Variants in ZNF646 observed in about 807,000 individuals in gnomAD.
The protein encoded by ZNF646 is zinc finger protein 646.
In ZNF646, 49 loss-of-function variants were observed where a neutral mutation model predicts 115.4. That is an observed-to-expected ratio of 0.42 (90% CI 0.34 to 0.54). The LOEUF (loss-of-function observed/expected upper bound fraction) is 0.54. Among genes scored for constraint, ZNF646 ranks in the 20% least tolerant of loss-of-function variants. The pLI is 0.04. For synonymous variants in ZNF646, 933 were observed against 939.0 expected, an observed-to-expected ratio of 0.99 and a Z score of 0.12; for missense variants, 2,269 against 2,457.9, an observed-to-expected ratio of 0.92 and a Z score of 1.62.
Position 31,080,561 on chromosome 16 carries a change from A to C in ZNF646, c.4237A>C (p.Ser1413Arg). ...GGCCAGTGAGGCGAACCTGACTGGC[A>C]GCCAGGGACTAGAGACCCAATTGGG... is the stretch of plus-strand genomic sequence containing the variant. ...TAASEANLTGSQGLETQLGGA... is the reference protein window; with the variant it reads ...TAASEANLTGRQGLETQLGGA... Residue 1413 changes from serine (S) to arginine (R), a missense_variant, in exon 2 of 3, where the codon AGC becomes CGC. Physicochemically the swap from Ser to Arg is moderately radical, Grantham distance 110 (BLOSUM62 -1). Around this residue, in one of 5 missense-constraint regions of ZNF646, gnomAD observed 1,062 missense variants for 1,172.8 expected, o/e 0.91. Coordinates refer to ENST00000300850, the MANE Select transcript of ZNF646 (RefSeq NM_014699.4). 3.1e-6 allele frequency: 5 copies of C among 1,614,088 alleles called. No individual in the cohort carries two copies. Among genetic ancestry groups the C allele is most frequent in the Non-Finnish European group, 4.2e-6 (5 of 1,180,036 alleles).
At chr16:31,082,762 T>C in intron 2 of ZNF646, 6 of 606,100 alleles carry the variant, frequency 9.9e-6, no homozygotes, top group Non-Finnish European at 1.7e-5. Flanking sequence ...GGAATGGCTT[T>C]AAGGATAGAA....
At position 31,079,313 on chromosome 16, in the gene ZNF646, G is replaced by A; in HGVS notation, c.2989G>A (p.Gly997Ser). The A allele has an allele frequency of 6.2e-7, 1 of 1,613,248 alleles. No individual in the cohort carries two copies. Among genetic ancestry groups the A allele is most frequent in the South Asian group, 1.1e-5 (1 of 91,072 alleles). The change falls in exon 2 of 3, where the codon GGT (glycine) becomes AGT (serine). Residue 997 changes from glycine to serine, a missense_variant. By Grantham distance (56) the Gly-to-Ser change is moderately conservative. Transcript: ENST00000300850. This position sits in a 1 kb window ranked among gnomAD's most constrained non-coding sequence, Gnocchi z 5.5. ...DKAPSPLGVA[G>S]DAMEMVVDSV... ...GGCTCCCAGCCCCTTGGGAGTGGCAGGTGATGCCATGGAGATGGTCGTGGA... is the reference window on the plus strand; with the variant it reads ...GGCTCCCAGCCCCTTGGGAGTGGCAAGTGATGCCATGGAGATGGTCGTGGA...
Position 31,080,229 on chromosome 16 carries a change from G to C in ZNF646, c.3905G>C (p.Gly1302Ala). 1.9e-6 allele frequency: 3 copies of C among 1,609,766 alleles called. No individual in the cohort carries two copies. Among genetic ancestry groups the C allele is most frequent in the Non-Finnish European group, 2.5e-6 (3 of 1,178,670 alleles). The change falls in exon 2 of 3, where the codon GGG becomes GCG. Residue 1302 changes from glycine to alanine, a missense_variant. Gly to Ala is a moderately conservative substitution (Grantham distance 60). Transcript: ENST00000300850. ...ATREDRPFRC[G>A]QCGRTYRHAG... ...CGGGAAGATCGGCCCTTCCGCTGTGGGCAGTGCGGGCGGACCTATCGCCAC... is the reference window on the plus strand; with the variant it reads ...CGGGAAGATCGGCCCTTCCGCTGTGCGCAGTGCGGGCGGACCTATCGCCAC...
Position 31,078,510 on chromosome 16 carries a change from G to A in ZNF646, c.2186G>A (p.Cys729Tyr), listed in dbSNP as rs200167014. The change falls in exon 2 of 3, where the codon TGT (cysteine) becomes TAT (tyrosine). Residue 729 changes from cysteine to tyrosine, a missense_variant. Coordinates refer to ENST00000300850, the MANE Select transcript of ZNF646 (RefSeq NM_014699.4). ...GGCAACCTGGAAAGTGATGGGGACTGTTTGCAGGCTGAATCTGAAGGGGAC... is the reference window on the plus strand; with the variant it reads ...GGCAACCTGGAAAGTGATGGGGACTATTTGCAGGCTGAATCTGAAGGGGAC... ...AEGNLESDGD[C>Y]LQAESEGDKC... 6.9e-6 allele frequency: 11 copies of A among 1,594,010 alleles called. No homozygotes were observed. Among genetic ancestry groups the A allele is most frequent in the African/African-American group, 1.3e-5 (1 of 74,628 alleles).
rs776906804 is a variant in ZNF646, at chr16:31,080,330, T to C, written c.4006T>C (p.Ser1336Pro). Residue 1336 changes from serine to proline, a missense_variant, in exon 2 of 3, where the codon TCC becomes CCC. Around this residue, in one of 5 missense-constraint regions of ZNF646, gnomAD observed 1,062 missense variants for 1,172.8 expected, o/e 0.91. Coordinates refer to ENST00000300850, the MANE Select transcript of ZNF646 (RefSeq NM_014699.4). ...CTGCCCCACCTGCCCCAAGACCTAC[T>C]CCAACCGCATGGCCCTGAAGGACCA... is the stretch of plus-strand genomic sequence containing the variant. Reference protein sequence around the residue: ...YSCPTCPKTYSNRMALKDHQR... With the variant: ...YSCPTCPKTYPNRMALKDHQR... 6.2e-7 allele frequency: 1 copy of C among 1,613,452 alleles called. No homozygotes were observed. The highest frequency in any genetic ancestry group is 1.1e-5 in the South Asian group (1 of 91,076).
rs1020497894 is a variant in ZNF646 at position 31,083,697 on chromosome 16, C to T, written c.*605C>T. On this transcript the variant is annotated 3_prime_UTR_variant, in exon 3 of 3. Coordinates refer to ENST00000300850, the MANE Select transcript of ZNF646 (RefSeq NM_014699.4). ...TGGGCTTCTGGGCCTGCCCTGGTGC[C>T]TGGAATCACACATGACAGGGTGGGG... is the stretch of plus-strand genomic sequence containing the variant. 2.8e-5 allele frequency: 45 copies of T among 1,607,332 alleles called. No individual in the cohort carries two copies. In the Admixed American group the frequency reaches 6.6e-4, roughly 24 times the overall value.
In ZNF646 at chr16:31,083,816, G is replaced by T; in HGVS notation, c.*724G>T. ...CAGCAGCTGGTTGGTTGGCCTGTGG[G>T]GAAGGAAGGAGGGTGGAGTTGTCCT... On this transcript the variant is annotated 3_prime_UTR_variant, in exon 3 of 3. Transcript: ENST00000300850. The T allele has an allele frequency of 6.2e-7, 1 of 1,613,974 alleles. No homozygotes were observed.
Position 31,083,820 on chromosome 16 carries a change from G to C in ZNF646, c.*728G>C, listed in dbSNP as rs1417719764. 1.2e-6 allele frequency: 2 copies of C among 1,614,030 alleles called. No individual in the cohort carries two copies. The highest frequency in any genetic ancestry group is 3.3e-5 in the Admixed American group (2 of 60,020). On this transcript the variant is annotated 3_prime_UTR_variant, in exon 3 of 3. Transcript: ENST00000300850. ...AGCTGGTTGGTTGGCCTGTGGGGAAGGAAGGAGGGTGGAGTTGTCCTCATC... is the reference window on the plus strand; with the variant it reads ...AGCTGGTTGGTTGGCCTGTGGGGAACGAAGGAGGGTGGAGTTGTCCTCATC...
In ZNF646 at chr16:31,083,194, TCTC is replaced by T. The variant is rs2057188092; in HGVS notation, c.*106_*108del. ...GAGTAGTTCGGGCATCCCCATATCTTCTCCTCTCCCCTTGTGAAGAGGACCCAG... is the reference window on the plus strand; with the variant it reads ...GAGTAGTTCGGGCATCCCCATATCTTCTCTCCCCTTGTGAAGAGGACCCAG... On this transcript the variant is annotated 3_prime_UTR_variant, in exon 3 of 3. Transcript: ENST00000300850. 1.2e-5 allele frequency: 17 copies of T among 1,477,384 alleles called. No homozygotes were observed. The highest frequency in any genetic ancestry group is 7.4e-5 in the East Asian group (3 of 40,816). The allele number at this position is 1,477,384 out of a possible 1,614,324, so 91.5% of individuals were successfully genotyped here.
chr16:31,078,838 C>T lies in ZNF646; in HGVS notation c.2514C>T (p.Ser838=), dbSNP rs1367388168. The T allele has an allele frequency of 3.7e-6, 6 of 1,613,906 alleles. No individual in the cohort carries two copies. The African/African-American group carries it at 6.7e-5, about 18-fold the overall frequency. ...HSFPHATGLL[S]HRPCHPPGIY... ...TCCCCCATGCCACTGGCCTGCTGAGCCACAGGCCCTGCCACCCACCAGGCA... is the reference window on the plus strand; with the variant it reads ...TCCCCCATGCCACTGGCCTGCTGAGTCACAGGCCCTGCCACCCACCAGGCA... Residue 838 remains serine (S), a synonymous_variant, in exon 2 of 3, where the codon AGC becomes AGT. Coordinates refer to ENST00000300850, the MANE Select transcript of ZNF646 (RefSeq NM_014699.4).
At chr16:31,082,535 G>A (rs1371295214) in intron 2 of ZNF646, 1 of 225,258 alleles carries the variant, frequency 4.4e-6, no homozygotes, top group Non-Finnish European at 9.4e-6. Flanking sequence ...GCATCTCCGT[G>A]GGGAATCGCC....
At chr16:31,073,427 C>G (rs967712120), upstream of ZNF646, 1 of 152,218 alleles carries the variant, frequency 6.6e-6, no homozygotes, top group Non-Finnish European at 1.5e-5. Context: ...AGCAGCCGCG[C>G]GGGCCGAGCC....
At position 31,081,442 on chromosome 16, in the gene ZNF646, C is replaced by T; in HGVS notation, c.5118C>T (p.Cys1706=). The change falls in exon 2 of 3, where the codon TGC becomes TGT. Residue 1706 remains cysteine (C), a synonymous_variant. Transcript: ENST00000300850. ...CCCACACCACAGGGTTGTACCCGTG[C>T]TCCCTCTGTCCCAAACTTCTCCCTA... ...QKAHTTGLYP[C]SLCPKLLPNL... 2 of 1,614,150 alleles carry T rather than the reference C, an allele frequency of 1.2e-6. No homozygotes were observed. The highest frequency in any genetic ancestry group is 1.1e-5 in the South Asian group (1 of 91,088).
chr16:31,079,163 G>A lies in ZNF646; in HGVS notation c.2839G>A (p.Glu947Lys). Reference sequence around the variant, plus strand: ...AGAGCTGCTGAATCAGCTGCAGCGGGAGGTGGAAGCGCTGGACAGTGCAGG... The same window carrying A: ...AGAGCTGCTGAATCAGCTGCAGCGGAAGGTGGAAGCGCTGGACAGTGCAGG... Reference protein sequence around the residue: ...EAELLNQLQREVEALDSAGYG... With the variant: ...EAELLNQLQRKVEALDSAGYG... Residue 947 changes from glutamate (E) to lysine (K), a missense_variant, in exon 2 of 3, where the codon GAG (glutamate) becomes AAG (lysine). Physicochemically the swap from Glu to Lys is moderately conservative, Grantham distance 56. Coordinates refer to ENST00000300850, the MANE Select transcript of ZNF646 (RefSeq NM_014699.4). The surrounding 1 kb of genome is among the most constrained non-coding windows in gnomAD (Gnocchi z 5.5). 6.2e-7 allele frequency: 1 copy of A among 1,610,542 alleles called. No homozygotes were observed. The highest frequency in any genetic ancestry group is 8.5e-7 in the Non-Finnish European group (1 of 1,177,870).
In ZNF646 at chr16:31,077,531, T is replaced by C; in HGVS notation, c.1207T>C (p.Cys403Arg). The change falls in exon 2 of 3, where the codon TGC becomes CGC. Residue 403 changes from cysteine to arginine, a missense_variant. Cys to Arg is a radical substitution (Grantham distance 180). Coordinates refer to ENST00000300850, the MANE Select transcript of ZNF646 (RefSeq NM_014699.4). ...RKSHQTGVYP[C>R]SLCSKQLFNA... Reference sequence around the variant, plus strand: ...GAGCCACCAGACAGGTGTCTACCCCTGCTCACTCTGTTCTAAGCAGCTGTT... The same window carrying C: ...GAGCCACCAGACAGGTGTCTACCCCCGCTCACTCTGTTCTAAGCAGCTGTT... 6.2e-7 allele frequency: 1 copy of C among 1,613,468 alleles called. No homozygotes were observed. The highest frequency in any genetic ancestry group is 2.2e-5 in the East Asian group (1 of 44,876).
Position 31,083,042 on chromosome 16 carries a change from C to T in ZNF646, c.5449C>T (p.Leu1817Phe), listed in dbSNP as rs760592768. 1.9e-6 allele frequency: 3 copies of T among 1,601,592 alleles called. No homozygotes were observed. Among genetic ancestry groups the T allele is most frequent in the Non-Finnish European group, 2.6e-6 (3 of 1,175,884 alleles). Residue 1817 changes from leucine (L) to phenylalanine (F), a missense_variant, in exon 3 of 3, where the codon CTC (leucine) becomes TTC (phenylalanine). This residue lies in a region of ZNF646 where 1,062 missense variants were observed against 1,172.8 expected (regional missense o/e 0.91). Coordinates refer to ENST00000300850, the MANE Select transcript of ZNF646 (RefSeq NM_014699.4). ...CCCTCCACCCACCCCCACGACCCCA[C>T]TCCTGGATCCTTCACCCCAGTGGCC... ...LPPPPTPTTP[L>F]LDPSPQWPAD...
intron 2 of ZNF646, chr16:31,082,195 A>C (rs2057172010): frequency 5.2e-6 from 1 of 193,514 alleles, no homozygotes; most frequent in African/African-American, 2.4e-5. Flanking sequence ...TGACTTGGCC[A>C]CGGAAACTGG....
At position 31,080,221 on chromosome 16, in the gene ZNF646, C is replaced by G; in HGVS notation, c.3897C>G (p.Phe1299Leu). ...AGGCGACTCGGGAAGATCGGCCCTT[C>G]CGCTGTGGGCAGTGCGGGCGGACCT... ...TRKATREDRP[F>L]RCGQCGRTYR... The change falls in exon 2 of 3, where the codon TTC becomes TTG. Residue 1299 changes from phenylalanine (F) to leucine (L), a missense_variant. By Grantham distance (22) the Phe-to-Leu change is conservative (BLOSUM62 0). Coordinates refer to ENST00000300850, the MANE Select transcript of ZNF646 (RefSeq NM_014699.4). The G allele has an allele frequency of 6.2e-7, 1 of 1,610,740 alleles. No homozygotes were observed.
At position 31,079,426 on chromosome 16, in the gene ZNF646, C is replaced by T; in HGVS notation, c.3102C>T (p.Asp1034=). 3 of 1,613,980 alleles carry T rather than the reference C, an allele frequency of 1.9e-6. No individual in the cohort carries two copies. The highest frequency in any genetic ancestry group is 2.5e-6 in the Non-Finnish European group (3 of 1,180,022). ...AGGGAGCAGGCACCCCCTTGGGAGA[C>T]AGCCTCTGCATCCAGGGTGGGGAAA... ...SQEGAGTPLG[D]SLCIQGGESL... is the part of the protein sequence containing the mutation. The change falls in exon 2 of 3, where the codon GAC becomes GAT. Residue 1034 remains aspartate, a synonymous_variant. Coordinates refer to ENST00000300850, the MANE Select transcript of ZNF646 (RefSeq NM_014699.4). This position sits in a 1 kb window ranked among gnomAD's most constrained non-coding sequence, Gnocchi z 5.5.
Sources: allele counts gnomAD v4.1 joint callset, GRCh38; gene constraint gnomAD v4.1.1; regional missense constraint gnomAD v4.1.1; non-coding constraint Gnocchi (gnomAD v3.1); transcripts MANE v1.5; gene names NCBI Gene and HGNC (gene_info 2026-07-23, HGNC 2026-07-21).